Variants in MGAT5B observed in about 807,000 individuals in gnomAD.
MGAT5B encodes the protein N-acetylglucosaminyl-transferase Vb.
In MGAT5B, 54 loss-of-function variants were observed where a neutral mutation model predicts 95.1. The ratio of observed to expected loss-of-function variants is 0.57; its 90% CI spans 0.46 to 0.71. MGAT5B has a LOEUF of 0.71. Among genes scored for constraint, MGAT5B ranks in the 30% least tolerant of loss-of-function variants. The pLI, the probability that MGAT5B is intolerant of heterozygous loss-of-function variation, is 0.00. For synonymous variants in MGAT5B, 464 were observed against 451.0 expected, an observed-to-expected ratio of 1.03 and a Z score of -0.36; for missense variants, 935 against 1,088.6, an observed-to-expected ratio of 0.86 and a Z score of 1.99.
intron 5 of MGAT5B, 123 bp from the exon 6 acceptor site, chr17:76,904,129 A>G: frequency 1.0e-6 from 1 of 964,974 alleles, no homozygotes; most frequent in Non-Finnish European, 1.5e-6. Context: ...CTGTTGCATC[A>G]GTAGGGTGGG....
In MGAT5B at chr17:76,904,347, G is replaced by A. The variant is rs1598936186; in HGVS notation, c.615G>A (p.Glu205=). 2 of 1,598,138 alleles carry A rather than the reference G, an allele frequency of 1.3e-6. No homozygotes were observed. The highest frequency in any genetic ancestry group is 4.5e-5 in the East Asian group (2 of 44,294). ...TCCTCATCTACCTCAGTGAGGTCGA[G>A]TGGTTCTGCCCCCCGCTGCCCTGGA... is the stretch of plus-strand genomic sequence containing the variant. ...CSFLIYLSEV[E]WFCPPLPWRN... The change falls in exon 6 of 18, where the codon GAG becomes GAA. Residue 205 remains glutamate, a synonymous_variant. Coordinates refer to ENST00000569840, the MANE Select transcript of MGAT5B (RefSeq NM_001199172.2).
chr17:76,878,745 G>A (rs1967291378), intron 2 of MGAT5B, among the ~76,000 whole-genome samples: 1 of 152,254 alleles, frequency 6.6e-6, no homozygotes, highest in Non-Finnish European at 1.5e-5. Flanking sequence ...CAAGTGCTGA[G>A]ATTATGGGCA....
chr17:76,945,117 G>A (rs1290696884), intron 15 of MGAT5B, among the ~76,000 whole-genome samples: 1 of 152,008 alleles, frequency 6.6e-6, no homozygotes, highest in Non-Finnish European at 1.5e-5. Context: ...TCTGCACTGG[G>A]CCTGAGAAGG....
Position 76,915,589 on chromosome 17 carries a change from A to G in MGAT5B, c.1026-9377A>G, listed in dbSNP as rs1968902031. ...GGCTGGGAAGTGGGCGCATTGGAGC[A>G]TTATATGATTTTCTATAATTTTCTG... On this transcript the variant is annotated intron_variant, in intron 8 of 17. Transcript: ENST00000569840. The surrounding 1 kb of genome is among the most constrained non-coding windows in gnomAD (Gnocchi z 8.7). Among the ~76,000 whole-genome samples, 1 of 152,196 alleles carries G rather than the reference A, an allele frequency of 6.6e-6. No homozygotes were observed. Among genetic ancestry groups the G allele is most frequent in the Non-Finnish European group, 1.5e-5 (1 of 68,038 alleles).
chr17:76,880,189 G>A (rs182023294), intron 2 of MGAT5B, among the ~76,000 whole-genome samples: 3 of 152,092 alleles, frequency 2.0e-5, no homozygotes, highest in Non-Finnish European at 1.5e-5. Flanking sequence ...TCTTCTGCCC[G>A]CCACATCCCC....
chr17:76,925,404 T>G (rs1598974564), intron 9 of MGAT5B, among the ~76,000 whole-genome samples: 2 of 146,144 alleles, frequency 1.4e-5, no homozygotes, highest in East Asian at 2.1e-4. Context: ...AAGAGAAGAG[T>G]ATAACGGAAC....
At chr17:76,879,847 T>A (rs1338030346) in intron 2 of MGAT5B, among the ~76,000 whole-genome samples, 1 of 151,808 alleles carries the variant, frequency 6.6e-6, no homozygotes, top group East Asian at 1.9e-4. Flanking sequence ...CTATATCCTG[T>A]TTTCTCCCAC....
At chr17:76,911,145 T>A (rs951472658) in intron 8 of MGAT5B, among the ~76,000 whole-genome samples, 2 of 152,210 alleles carry the variant, frequency 1.3e-5, no homozygotes, top group Non-Finnish European at 2.9e-5. Context: ...ACTTCTTCCA[T>A]CTGGGGTGGG....
Position 76,868,994 on chromosome 17 carries a change from C to T in MGAT5B, c.-36C>T, listed in dbSNP as rs199624170. 3.1e-6 allele frequency: 5 copies of T among 1,608,106 alleles called. No individual in the cohort carries two copies. The East Asian group carries it at 8.9e-5, about 29-fold the overall frequency. ...CTGGGCCCAGGACGGTGCGTCCGGCCTCGCCCGCGGCTGCTCGCACCAACA... is the reference window on the plus strand; with the variant it reads ...CTGGGCCCAGGACGGTGCGTCCGGCTTCGCCCGCGGCTGCTCGCACCAACA... On this transcript the variant is annotated 5_prime_UTR_variant, in exon 1 of 18. Coordinates refer to ENST00000569840, the MANE Select transcript of MGAT5B (RefSeq NM_001199172.2). The surrounding 1 kb of genome is among the most constrained non-coding windows in gnomAD (Gnocchi z 6.3).
chr17:76,913,039 G>A (rs1363395708), intron 8 of MGAT5B, among the ~76,000 whole-genome samples: 2 of 152,200 alleles, frequency 1.3e-5, no homozygotes, highest in African/African-American at 4.8e-5. Context: ...AGTGAAATTG[G>A]GTTTAGTAGA....
chr17:76,912,705 T>C lies in MGAT5B; in HGVS notation c.1025+6518T>C, dbSNP rs1968786990. 6.6e-6 allele frequency among the ~76,000 whole-genome samples: 1 copy of C among 152,124 alleles called. No individual in the cohort carries two copies. Among genetic ancestry groups the C allele is most frequent in the African/African-American group, 2.4e-5 (1 of 41,420 alleles). On this transcript the variant is annotated intron_variant, in intron 8 of 17. Coordinates refer to ENST00000569840, the MANE Select transcript of MGAT5B (RefSeq NM_001199172.2). The surrounding 1 kb of genome is among the most constrained non-coding windows in gnomAD (Gnocchi z 5.0). ...CAGGATCTACATCTGGCTTTGCTGCTGCAAGATGCTTCCGGGGTGAGGGAG... is the reference window on the plus strand; with the variant it reads ...CAGGATCTACATCTGGCTTTGCTGCCGCAAGATGCTTCCGGGGTGAGGGAG...
chr17:76,875,039 C>T (rs1489593401), intron 2 of MGAT5B, among the ~76,000 whole-genome samples: 1 of 152,140 alleles, frequency 6.6e-6, no homozygotes, highest in Non-Finnish European at 1.5e-5. Flanking sequence ...ACTAACAACC[C>T]AGAGCAAGGA....
In MGAT5B at chr17:76,940,729, C is replaced by T; in HGVS notation, c.1732-3C>T. 1 of 1,613,948 alleles carries T rather than the reference C, an allele frequency of 6.2e-7. No individual in the cohort carries two copies. The highest frequency in any genetic ancestry group is 1.1e-5 in the South Asian group (1 of 91,072). On this transcript the variant is annotated splice_region_variant and splice_polypyrimidine_tract_variant and intron_variant, in intron 14 of 17. Coordinates refer to ENST00000569840, the MANE Select transcript of MGAT5B (RefSeq NM_001199172.2). This position sits in a 1 kb window ranked among gnomAD's most constrained non-coding sequence, Gnocchi z 4.3. ...GCATCTGCAATCTCTGTACCCTTGC[C>T]AGGTGTTCTCCCAGCATCCCTACGC...
In MGAT5B at chr17:76,876,542, G is replaced by A. The variant is rs114147472; in HGVS notation, c.181+3579G>A. Among the ~76,000 whole-genome samples the A allele has an allele frequency of 3.7e-3, 566 of 152,150 alleles. 4 individuals are homozygous for A. Among genetic ancestry groups the A allele is most frequent in the African/African-American group, 0.012 (513 of 41,480 alleles). ...ACAATCTCTCCTCCCCTGTCAAACCGGTGACAGAAGTGGGGTCCCACATGG... is the reference window on the plus strand; with the variant it reads ...ACAATCTCTCCTCCCCTGTCAAACCAGTGACAGAAGTGGGGTCCCACATGG... On this transcript the variant is annotated intron_variant, in intron 2 of 17. Transcript: ENST00000569840.
chr17:76,882,128 C>T (rs1967444077), intron 2 of MGAT5B, 23 bp from the exon 3 acceptor site: 1 of 1,596,394 alleles, frequency 6.3e-7, no homozygotes, highest in Non-Finnish European at 8.6e-7. Context: ...CCTCCCCTAA[C>T]CATACCCACA....
Position 76,906,041 on chromosome 17 carries a change from G to T in MGAT5B, c.879G>T (p.Leu293=). 6.2e-7 allele frequency: 1 copy of T among 1,606,522 alleles called. No homozygotes were observed. The highest frequency in any genetic ancestry group is 8.5e-7 in the Non-Finnish European group (1 of 1,176,676). Residue 293 remains leucine (L), a synonymous_variant, in exon 8 of 18, where the codon CTG becomes CTT. Transcript: ENST00000569840. This position sits in a 1 kb window ranked among gnomAD's most constrained non-coding sequence, Gnocchi z 4.6. ...AGATCCTGGTCCACATCGGCTTCCTGACGGAGGAGTCCGGGGACGTGTTCA... is the reference window on the plus strand; with the variant it reads ...AGATCCTGGTCCACATCGGCTTCCTTACGGAGGAGTCCGGGGACGTGTTCA... ...QKQILVHIGF[L]TEESGDVFSP...
intron 3 of MGAT5B, among the ~76,000 whole-genome samples, chr17:76,886,972 A>G (rs1212309756): frequency 2.6e-5 from 4 of 152,196 alleles, no homozygotes; most frequent in South Asian, 4.1e-4. Flanking sequence ...TGAAGCTGAG[A>G]GGCGGAGGCT....
chr17:76,916,047 G>A lies in MGAT5B; in HGVS notation c.1026-8919G>A, dbSNP rs1968922437. ...CGAGTGTGGCGGGGTCACGTTGAGT[G>A]CCGCCAAATGTCGTGGGCCTCTGCT... On this transcript the variant is annotated intron_variant, in intron 8 of 17. Transcript: ENST00000569840. The surrounding 1 kb of genome is among the most constrained non-coding windows in gnomAD (Gnocchi z 5.3). Among the ~76,000 whole-genome samples the A allele has an allele frequency of 6.6e-6, 1 of 152,146 alleles. No individual in the cohort carries two copies. The highest frequency in any genetic ancestry group is 6.5e-5 in the Admixed American group (1 of 15,288).
At chr17:76,895,715 A>G (rs1447669890) in intron 3 of MGAT5B, among the ~76,000 whole-genome samples, 1 of 152,144 alleles carries the variant, frequency 6.6e-6, no homozygotes, top group African/African-American at 2.4e-5. Flanking sequence ...ATGACCTCAT[A>G]TAATCACTCA....
Sources: gnomAD v4.1 joint callset for allele counts (sites outside exome capture counted in the v4.1 genomes callset) on GRCh38, gnomAD v4.1.1 for gene constraint, Gnocchi (gnomAD v3.1) non-coding constraint, MANE v1.5 for transcripts, NCBI Gene and HGNC (gene_info 2026-07-23, HGNC 2026-07-21) for gene names.